The following DLC1 variants were observed in gnomAD, a reference collection of about 807,000 sequenced individuals.
DLC1 encodes DLC1 Rho GTPase activating protein.
Under a neutral mutation model 140.3 loss-of-function variants are expected in DLC1, and 54 were observed. The observed-to-expected ratio is 0.38, with a 90% CI of 0.31 to 0.48. The LOEUF (loss-of-function observed/expected upper bound fraction) is 0.48. Ranked by LOEUF, DLC1 falls within the 20% of genes least tolerant of loss-of-function variation. The pLI, the probability that DLC1 is intolerant of heterozygous loss-of-function variation, is 0.96. For missense variants in DLC1, 2,536 were observed against 1,907.0 expected (o/e 1.33, Z -6.14); for synonymous variants, 986 against 728.1 (o/e 1.35, Z -5.70).
At chr8:13,566,305 A>C (rs1231964539) in intron 1 of DLC1, among the ~76,000 whole-genome samples, 1 of 152,094 alleles carries the variant, frequency 6.6e-6, no homozygotes, top group African/African-American at 2.4e-5. Flanking sequence ...ACCTGTATGG[A>C]CAAAAGGCCA....
rs1428133663 is a variant in DLC1 at position 13,499,413 on chromosome 8, G to A, written c.659C>T (p.Ala220Val). Reference protein sequence around the residue: ...AVDTLNVKDIAPEKQLLNSAV... With the variant: ...AVDTLNVKDIVPEKQLLNSAV... ...AGAGTTAAGCAATTGTTTCTCAGGT[G>A]CAATATCTTTCACGTTCAAAGTATC... The change falls in exon 2 of 18, where the codon GCA (alanine) becomes GTA (valine). Residue 220 changes from alanine (A) to valine (V), a missense_variant. Transcript: ENST00000276297. 1 of 1,613,798 alleles carries A rather than the reference G, an allele frequency of 6.2e-7. No individual in the cohort carries two copies. The highest frequency in any genetic ancestry group is 2.2e-5 in the East Asian group (1 of 44,886).
chr8:13,212,400 T>C, intron 5 of DLC1, among the ~76,000 whole-genome samples: 1 of 152,178 alleles, frequency 6.6e-6, no homozygotes. Context: ...CTGCTAGGTT[T>C]CATGAGGACA....
intron 1 of DLC1, among the ~76,000 whole-genome samples, chr8:13,536,345 A>C (rs948529672): frequency 5.3e-5 from 8 of 152,202 alleles, no homozygotes; most frequent in Admixed American, 2.0e-4. Flanking sequence ...AGATAATCAC[A>C]AGGTTATAAT....
chr8:13,172,667 T>C lies in DLC1; in HGVS notation c.1349-57010A>G, dbSNP rs566882614. On this transcript the variant is annotated intron_variant, in intron 5 of 17. Coordinates refer to ENST00000276297, the MANE Select transcript of DLC1 (RefSeq NM_182643.3). The stretch of plus-strand genomic sequence containing the variant: ...ATTTCAGTTAGGAGCATGTACTGTT[T>C]TGAACAAGCTTTGAATATAGATTTG... Among the ~76,000 whole-genome samples, 403 of 152,346 alleles carry C rather than the reference T, an allele frequency of 2.6e-3. 1 individual carries two copies. The highest frequency in any genetic ancestry group is 9.5e-3 in the African/African-American group (393 of 41,584).
chr8:13,497,862 G>A (rs989077031), intron 2 of DLC1, among the ~76,000 whole-genome samples: 1 of 152,298 alleles, frequency 6.6e-6, no homozygotes, highest in Non-Finnish European at 1.5e-5. Context: ...AAAATGCTCT[G>A]TTAGCATATA....
chr8:13,419,642 A>G (rs141534357), intron 2 of DLC1, among the ~76,000 whole-genome samples: 1,791 of 152,286 alleles, frequency 0.012, 18 homozygotes, highest in Middle Eastern at 0.034. Flanking sequence ...TTTTTGCATC[A>G]GTGTTCACCA....
chr8:13,512,907 A>AT (rs1212656899), intron 1 of DLC1, among the ~76,000 whole-genome samples: 6 of 149,668 alleles, frequency 4.0e-5, no homozygotes, highest in South Asian at 2.1e-4. Context: ...TACTGATTTG[A>AT]TTTTTTTTTA....
chr8:13,131,008 G>A (rs751780774), intron 5 of DLC1, among the ~76,000 whole-genome samples: 8 of 152,140 alleles, frequency 5.3e-5, no homozygotes, highest in Non-Finnish European at 1.0e-4. Flanking sequence ...ACATGCAATC[G>A]CCAACATTTT....
intron 1 of DLC1, among the ~76,000 whole-genome samples, chr8:13,522,003 T>G (rs568802448): frequency 2.0e-5 from 3 of 152,220 alleles, no homozygotes; most frequent in African/African-American, 7.2e-5. Context: ...ATGGTTCCAT[T>G]TGAAAGGAAA....
At chr8:13,144,351 G>C (rs1483027526) in intron 5 of DLC1, among the ~76,000 whole-genome samples, 3 of 152,174 alleles carry the variant, frequency 2.0e-5, no homozygotes, top group Admixed American at 6.5e-5. Context: ...CAGATTCCTT[G>C]GTTCTGAGGT....
At chr8:13,199,630 A>T (rs749240260) in intron 5 of DLC1, among the ~76,000 whole-genome samples, 29 of 152,188 alleles carry the variant, frequency 1.9e-4, no homozygotes, top group Non-Finnish European at 4.0e-4. Context: ...AAAAATTCTT[A>T]TATAAAATAG....
At chr8:13,178,409 A>G (rs966075585) in intron 5 of DLC1, among the ~76,000 whole-genome samples, 8 of 151,982 alleles carry the variant, frequency 5.3e-5, no homozygotes, top group African/African-American at 1.9e-4. Context: ...AAAAATACAA[A>G]AAATTAGCCA....
chr8:13,490,521 T>C (rs1471418525), intron 2 of DLC1, among the ~76,000 whole-genome samples: 2 of 152,192 alleles, frequency 1.3e-5, no homozygotes, highest in Admixed American at 6.5e-5. Context: ...GGTACCCAGA[T>C]AAGAGGCAGG....
chr8:13,130,816 G>A (rs1287640133), intron 5 of DLC1, among the ~76,000 whole-genome samples: 1 of 152,182 alleles, frequency 6.6e-6, no homozygotes, highest in Non-Finnish European at 1.5e-5. Context: ...GGTGTCTGGT[G>A]CTACTCTGTG....
chr8:13,348,962 C>A (rs1032785314), intron 4 of DLC1, among the ~76,000 whole-genome samples: 1 of 152,074 alleles, frequency 6.6e-6, no homozygotes, highest in Non-Finnish European at 1.5e-5. Context: ...AGGCAGCAGC[C>A]GCTCTGGAAG....
At chr8:13,474,577 C>T (rs1800360003) in intron 2 of DLC1, among the ~76,000 whole-genome samples, 1 of 152,200 alleles carries the variant, frequency 6.6e-6, no homozygotes, top group African/African-American at 2.4e-5. Flanking sequence ...CTGCACTCAA[C>T]ACCAGCCCGT....
At chr8:13,136,656 T>C (rs556351108) in intron 5 of DLC1, among the ~76,000 whole-genome samples, 1 of 152,272 alleles carries the variant, frequency 6.6e-6, no homozygotes, top group South Asian at 2.1e-4. Flanking sequence ...CACCTTAGCC[T>C]CCCAAGTAGC....
intron 2 of DLC1, among the ~76,000 whole-genome samples, chr8:13,484,438 C>T (rs1800874649): frequency 6.6e-6 from 1 of 152,106 alleles, no homozygotes; most frequent in African/African-American, 2.4e-5. Flanking sequence ...TCTCAATAAA[C>T]ATTTTTAATT....
chr8:13,193,270 G>A (rs780584463), intron 5 of DLC1, among the ~76,000 whole-genome samples: 1 of 152,006 alleles, frequency 6.6e-6, no homozygotes, highest in Non-Finnish European at 1.5e-5. Flanking sequence ...TTCCTTATCA[G>A]GTCAGTGTTT....
Sources: allele counts gnomAD v4.1 joint callset (sites outside exome capture counted in the v4.1 genomes callset), GRCh38; gene constraint gnomAD v4.1.1; transcripts MANE v1.5; gene names NCBI Gene and HGNC (gene_info 2026-07-23, HGNC 2026-07-21).